The following PREX1 variants were observed in gnomAD, a reference collection of about 807,000 sequenced individuals.
PREX1 encodes the protein phosphatidylinositol-3,4,5-trisphosphate dependent Rac exchange factor 1, also known as phosphatidylinositol 3,4,5-trisphosphate-dependent Rac exchanger 1 protein.
A neutral mutation model predicts 198.3 loss-of-function variants in PREX1; 41 were observed. The observed-to-expected ratio is 0.21, with a 90% CI of 0.16 to 0.27. The LOEUF (loss-of-function observed/expected upper bound fraction) is 0.27, where lower values mean the gene tolerates loss of function less well. Ranked by LOEUF, PREX1 falls within the 10% of genes least tolerant of loss-of-function variation. PREX1 has a pLI of 1.00. For missense variants in PREX1, 1,620 were observed against 2,200.7 expected, an observed-to-expected ratio of 0.74 and a Z score of 5.28; for synonymous variants, 843 against 887.2, an observed-to-expected ratio of 0.95 and a Z score of 0.89.
intron 7 of PREX1, among the ~76,000 whole-genome samples, chr20:48,693,764 C>T (rs570417100): frequency 1.3e-4 from 19 of 151,380 alleles, no homozygotes; most frequent in Admixed American, 8.6e-4. Context: ...TGTCTCACCA[C>T]GCCCAGCTAA....
chr20:48,709,354 C>T (rs1198741548), intron 5 of PREX1, among the ~76,000 whole-genome samples: 4 of 152,210 alleles, frequency 2.6e-5, no homozygotes, highest in Admixed American at 1.3e-4. Flanking sequence ...ATAACATCCC[C>T]GCAGATGTGA....
At chr20:48,681,892 C>G (rs1465406535) in intron 10 of PREX1, among the ~76,000 whole-genome samples, 4 of 151,976 alleles carry the variant, frequency 2.6e-5, no homozygotes, top group African/African-American at 9.7e-5. Context: ...GACAGATGAA[C>G]AGAAGGAATG....
Position 48,650,967 on chromosome 20 carries a change from G to C in PREX1, c.2744C>G (p.Pro915Arg), listed in dbSNP as rs1263555858. 3 of 1,614,046 alleles carry C rather than the reference G, an allele frequency of 1.9e-6. No individual in the cohort carries two copies. The African/African-American group carries it at 4.0e-5, about 22-fold the overall frequency. Residue 915 changes from proline to arginine, a missense_variant, in exon 23 of 40, where the codon CCC becomes CGC. Around this residue, in one of 7 missense-constraint regions of PREX1, gnomAD observed 514 missense variants for 611.6 expected, o/e 0.84. Coordinates refer to ENST00000371941, the MANE Select transcript of PREX1 (RefSeq NM_020820.4). ...MALSSAIVTMPHFEFRNICDT... is the reference protein window; with the variant it reads ...MALSSAIVTMRHFEFRNICDT... The stretch of plus-strand genomic sequence containing the variant: ...ACAGATGTTGCGGAACTCAAAGTGG[G>C]GCATGGTCACGATGGCGCTGCTCAG...
intron 22 of PREX1, 137 bp downstream of exon 22, chr20:48,651,253 AAGGACC>A: frequency 7.5e-7 from 1 of 1,334,380 alleles, no homozygotes; most frequent in Non-Finnish European, 1.0e-6. Flanking sequence ...GTGGTGGGAC[AAGGACC>A]AGAATTCAGG....
intron 29 of PREX1, among the ~76,000 whole-genome samples, chr20:48,640,896 T>C (rs992063850): frequency 1.1e-4 from 1 of 9,494 alleles, no homozygotes; most frequent in Non-Finnish European, 2.2e-4. Flanking sequence ...GGTGGGTGGG[T>C]GGGTGGATGG....
chr20:48,658,827 C>T (rs535715085), intron 16 of PREX1, among the ~76,000 whole-genome samples: 61 of 152,148 alleles, frequency 4.0e-4, no homozygotes, highest in South Asian at 3.3e-3. Context: ...GAGGCCTGAA[C>T]GAAATGAAAA....
the PREX1 span, among the ~76,000 whole-genome samples, chr20:48,835,494 C>T: frequency 4.3e-4 from 65 of 152,326 alleles, no homozygotes; most frequent in African/African-American, 1.4e-3. Context: ...GGGGCCAGCA[C>T]ATGCCTGGAG....
chr20:48,655,726 G>A (rs902872430), intron 18 of PREX1, among the ~76,000 whole-genome samples: 1 of 152,070 alleles, frequency 6.6e-6, no homozygotes, highest in East Asian at 1.9e-4. Context: ...TTTAACAATC[G>A]CAGGTGGGAG....
chr20:48,697,095 C>T (rs992276768), intron 7 of PREX1, among the ~76,000 whole-genome samples: 11 of 151,976 alleles, frequency 7.2e-5, no homozygotes, highest in African/African-American at 2.7e-4. Flanking sequence ...GAAGTTAAGA[C>T]AAAAAACAAG....
At chr20:48,789,116 G>A (rs1439835644) in intron 1 of PREX1, among the ~76,000 whole-genome samples, 1 of 152,160 alleles carries the variant, frequency 6.6e-6, no homozygotes, top group African/African-American at 2.4e-5. Context: ...ACCATGCAAG[G>A]ATTAAATAAA....
chr20:48,659,747 C>T (rs972652545), intron 16 of PREX1, among the ~76,000 whole-genome samples, 172 bp downstream of exon 16: 31 of 152,134 alleles, frequency 2.0e-4, no homozygotes, highest in Non-Finnish European at 2.6e-4. Context: ...GTAGTCTCAG[C>T]CAGTGATGCA....
At chr20:48,721,240 G>T (rs35009200) in intron 5 of PREX1, among the ~76,000 whole-genome samples, 1,930 of 152,290 alleles carry the variant, frequency 0.013, 23 homozygotes, top group Non-Finnish European at 0.021. Context: ...CCTGCCCTTG[G>T]GGAGCTGATG....
chr20:48,769,175 A>ACC (rs1319376625), intron 1 of PREX1, among the ~76,000 whole-genome samples: 1 of 151,172 alleles, frequency 6.6e-6, no homozygotes, highest in Non-Finnish European at 1.5e-5. Flanking sequence ...CTCCACACAC[A>ACC]CCCCCTCGCT....
At chr20:48,668,917 T>C (rs1394338016) in intron 14 of PREX1, among the ~76,000 whole-genome samples, 2 of 152,118 alleles carry the variant, frequency 1.3e-5, no homozygotes, top group Admixed American at 1.3e-4. Flanking sequence ...CCTGGCCTTC[T>C]GAGGCGCTCA....
At chr20:48,848,071 CTG>C in the PREX1 span, among the ~76,000 whole-genome samples, 1 of 152,108 alleles carries the variant, frequency 6.6e-6, no homozygotes, top group African/African-American at 2.4e-5. Flanking sequence ...TTGGCCAAGT[CTG>C]TGCATGGATG....
At chr20:48,725,836 T>C (rs2090007401) in intron 5 of PREX1, among the ~76,000 whole-genome samples, 1 of 152,092 alleles carries the variant, frequency 6.6e-6, no homozygotes, top group South Asian at 2.1e-4. Flanking sequence ...ACAGCAATAG[T>C]GATTGGTTCA....
chr20:48,628,216 AG>A (rs1441155179), intron 37 of PREX1, among the ~76,000 whole-genome samples: 3 of 152,172 alleles, frequency 2.0e-5, no homozygotes, highest in African/African-American at 7.2e-5. Flanking sequence ...AGCCCTGTTG[AG>A]TTCCCTGTGA....
chr20:48,625,607 C>T lies in PREX1; in HGVS notation c.*278G>A, dbSNP rs1285449660. On this transcript the variant is annotated 3_prime_UTR_variant, in exon 40 of 40. Transcript: ENST00000371941. ...GGGGACGCAGGAGCCGAAGGCCAGG[C>T]ACCAGCTGCTCCCATCAGCTCTATG... The T allele has an allele frequency of 7.4e-6, 3 of 403,822 alleles. No homozygotes were observed. The highest frequency in any genetic ancestry group is 4.4e-6 in the Non-Finnish European group (1 of 227,802). 25.0% of individuals were successfully genotyped at this position (403,822 alleles called of 1,614,324 possible).
intron 1 of PREX1, among the ~76,000 whole-genome samples, chr20:48,748,442 T>C (rs964681477): frequency 6.6e-6 from 1 of 151,676 alleles, no homozygotes; most frequent in Non-Finnish European, 1.5e-5. Flanking sequence ...AAAAAATCTA[T>C]GCAAAAACAA....
Sources: allele counts gnomAD v4.1 joint callset (sites outside exome capture counted in the v4.1 genomes callset), GRCh38; gene constraint gnomAD v4.1.1; regional missense constraint gnomAD v4.1.1; transcripts MANE v1.5; gene names NCBI Gene and HGNC (gene_info 2026-07-23, HGNC 2026-07-21).